Variants in MED24 observed in about 807,000 individuals in gnomAD.
The protein encoded by MED24 is mediator of RNA polymerase II transcription subunit 24.
In MED24, 74 loss-of-function variants were observed where a neutral mutation model predicts 118.8. The ratio of observed to expected loss-of-function variants is 0.62; its 90% CI spans 0.52 to 0.76. The LOEUF is 0.76. MED24 is among the 30% of genes least tolerant of loss of function. MED24 has a pLI of 0.00. For missense variants in MED24, 1,041 were observed against 1,278.9 expected (o/e 0.81, Z 2.84); for synonymous variants, 521 against 523.9 (o/e 0.99, Z 0.08).
At position 40,019,907 on chromosome 17, in the gene MED24, T is replaced by C. The variant is rs1159422530; in HGVS notation, c.2731A>G (p.Ile911Val). ...GGGCCAGCGGTGCGAGACCCCAGGA[T>C]GGAGGAGATGAGCAGGAACAGGTTG... ...LANLFLLISS[I>V]LGSRTAGPHT... Residue 911 changes from isoleucine (I) to valine (V), a missense_variant, in exon 25 of 26, where the codon ATC (isoleucine) becomes GTC (valine). Around this residue, in one of 3 missense-constraint regions of MED24, gnomAD observed 587 missense variants for 694.4 expected, o/e 0.85. Transcript: ENST00000394128. 10 of 1,570,562 alleles carry C rather than the reference T, an allele frequency of 6.4e-6. No individual in the cohort carries two copies. The highest frequency in any genetic ancestry group is 8.6e-6 in the Non-Finnish European group (10 of 1,157,212).
chr17:40,050,181 C>T (rs1313353923), intron 3 of MED24, among the ~76,000 whole-genome samples: 1 of 136,044 alleles, frequency 7.4e-6, no homozygotes, highest in African/African-American at 2.8e-5. Flanking sequence ...GAGAGATACG[C>T]ATTCAGGTCA....
intron 1 of MED24, 150 bp from the exon 2 acceptor site, chr17:40,053,785 AG>A: frequency 9.8e-7 from 1 of 1,016,762 alleles, no homozygotes; most frequent in Non-Finnish European, 1.4e-6. Context: ...GGATAAAGTA[AG>A]ATCCTGTCAG....
intron 3 of MED24, among the ~76,000 whole-genome samples, chr17:40,048,855 AATAATAT>A (rs143726173): frequency 0.012 from 1,877 of 152,218 alleles, 46 homozygotes; most frequent in African/African-American, 0.043. Context: ...ATGCCTGGCC[AATAATAT>A]ATATGTTTTA....
chr17:40,020,111 G>T, intron 24 of MED24, 162 bp downstream of exon 24: 1 of 991,624 alleles, frequency 1.0e-6, no homozygotes, highest in Non-Finnish European at 1.5e-6. Context: ...GGGGGAACTA[G>T]ACAGGAGCCT....
intron 5 of MED24, 121 bp downstream of exon 5, chr17:40,035,601 A>T: frequency 9.6e-7 from 1 of 1,039,860 alleles, no homozygotes; most frequent in South Asian, 1.6e-5. Context: ...GTAGATGGGC[A>T]GGTGGGGAGA....
At chr17:40,029,677 T>C (rs1983140357) in intron 13 of MED24, 71 bp downstream of exon 13, 1 of 1,417,762 alleles carries the variant, frequency 7.1e-7, no homozygotes, top group South Asian at 1.2e-5. Context: ...TCTGTTTATT[T>C]ATCTGCAAGC....
Position 40,027,943 on chromosome 17 carries a change from C to G in MED24, c.1413G>C (p.Leu471Phe), listed in dbSNP as rs1222868813. Residue 471 changes from leucine (L) to phenylalanine (F), a missense_variant, in exon 15 of 26, where the codon TTG (leucine) becomes TTC (phenylalanine). By Grantham distance (22) the Leu-to-Phe change is conservative. Transcript: ENST00000394128. ...LKSFARKFIN[L>F]NEFTTYGSEE... ...CGCTGCCATAGGTTGTGAATTCATT[C>G]AAACTGAAAGGAATGGAGACAGGCT... 1 of 1,613,832 alleles carries G rather than the reference C, an allele frequency of 6.2e-7. No homozygotes were observed.
chr17:40,035,459 G>T, intron 5 of MED24, 110 bp from the exon 6 acceptor site: 1 of 1,217,366 alleles, frequency 8.2e-7, no homozygotes, highest in Non-Finnish European at 1.1e-6. Flanking sequence ...CTAGGGCTGA[G>T]AAGCTAGCAA....
chr17:40,035,944 C>A, intron 4 of MED24, 149 bp from the exon 5 acceptor site: 1 of 1,073,494 alleles, frequency 9.3e-7, no homozygotes. Context: ...CATTGGCTCC[C>A]AAGCACCAGC....
At position 40,031,562 on chromosome 17, in the gene MED24, A is replaced by C; in HGVS notation, c.1043T>G (p.Leu348Trp). The C allele has an allele frequency of 6.2e-7, 1 of 1,614,200 alleles. No homozygotes were observed. Among genetic ancestry groups the C allele is most frequent in the South Asian group, 1.1e-5 (1 of 91,086 alleles). ...FEFLLKLTPL[L>W]DKADQRCNCD... Reference sequence around the variant, plus strand: ...CTTGCAGCGCTGGTCAGCTTTGTCCAACAAGGGGGTGAGCTTCAGCAGGAA... The same window carrying C: ...CTTGCAGCGCTGGTCAGCTTTGTCCCACAAGGGGGTGAGCTTCAGCAGGAA... Residue 348 changes from leucine to tryptophan, a missense_variant, in exon 11 of 26, where the codon TTG (leucine) becomes TGG (tryptophan). Around this residue, in one of 3 missense-constraint regions of MED24, gnomAD observed 434 missense variants for 514.9 expected, o/e 0.84. Coordinates refer to ENST00000394128, the MANE Select transcript of MED24 (RefSeq NM_014815.4).
intron 6 of MED24, chr17:40,034,878 A>C: frequency 2.7e-5 from 9 of 333,530 alleles, no homozygotes; most frequent in East Asian, 1.0e-4. Context: ...CCCAGCACCT[A>C]GCACAGTGCT....
chr17:40,031,103 G>C, intron 12 of MED24, 56 bp downstream of exon 12: 1 of 1,504,222 alleles, frequency 6.6e-7, no homozygotes, highest in East Asian at 2.5e-5. Context: ...CAGCCCCACC[G>C]TAACAAGAGA....
In MED24 at chr17:40,053,328, C is replaced by G; in HGVS notation, c.183G>C (p.Leu61Phe). ...AACTAATGGCATACTTCAGGTAGGA[C>G]AAGATGAGAGGATTGGGGGATGGTC... ...MIGPSPNPLI[L>F]SYLKYAISSQ... is the part of the protein sequence containing the mutation. Residue 61 changes from leucine to phenylalanine, a missense_variant, in exon 3 of 26, where the codon TTG becomes TTC. Physicochemically the swap from Leu to Phe is conservative, Grantham distance 22. This residue lies in a region of MED24 where 434 missense variants were observed against 514.9 expected (regional missense o/e 0.84). Coordinates refer to ENST00000394128, the MANE Select transcript of MED24 (RefSeq NM_014815.4). The G allele has an allele frequency of 6.2e-7, 1 of 1,612,126 alleles. No homozygotes were observed. The highest frequency in any genetic ancestry group is 8.5e-7 in the Non-Finnish European group (1 of 1,178,760).
chr17:40,052,498 G>A (rs1360545415), intron 3 of MED24, among the ~76,000 whole-genome samples: 1 of 152,124 alleles, frequency 6.6e-6, no homozygotes, highest in Non-Finnish European at 1.5e-5. Context: ...ATCGGGTTTT[G>A]TTCACAGCTA....
In MED24 at chr17:40,033,234, T is replaced by C. The variant is rs2069953282; in HGVS notation, c.672-28A>G. The C allele has an allele frequency of 6.2e-7, 1 of 1,612,974 alleles. No individual in the cohort carries two copies. The highest frequency in any genetic ancestry group is 8.5e-7 in the Non-Finnish European group (1 of 1,179,856). On this transcript the variant is annotated intron_variant, in intron 7 of 25. Coordinates refer to ENST00000394128, the MANE Select transcript of MED24 (RefSeq NM_014815.4). The surrounding 1 kb of genome is among the most constrained non-coding windows in gnomAD (Gnocchi z 5.2). ...GAGGGGTCACAAACACAGGGGACGG[T>C]GTTTGGGGGGCCAAAGGTGAAGGCG...
chr17:40,027,838 C>T (rs1205317820), intron 15 of MED24, 71 bp downstream of exon 15: 2 of 1,528,044 alleles, frequency 1.3e-6, no homozygotes, highest in Non-Finnish European at 1.8e-6. Flanking sequence ...GAGCCCTCCT[C>T]CCTCCCACAC....
At chr17:40,052,498 G>C (rs1360545415) in intron 3 of MED24, among the ~76,000 whole-genome samples, 1 of 152,124 alleles carries the variant, frequency 6.6e-6, no homozygotes, top group Non-Finnish European at 1.5e-5. Context: ...ATCGGGTTTT[G>C]TTCACAGCTA....
chr17:40,032,815 C>G, intron 8 of MED24, 53 bp from the exon 9 acceptor site: 1 of 1,505,560 alleles, frequency 6.6e-7, no homozygotes, highest in Non-Finnish European at 9.2e-7. Context: ...CCCCGTCACC[C>G]TTCTGTGGAC....
chr17:40,027,584 C>T lies in MED24; in HGVS notation c.1448-119G>A, dbSNP rs913420723. 4.4e-6 allele frequency: 4 copies of T among 918,560 alleles called. No individual in the cohort carries two copies. The Admixed American group carries it at 1.0e-4, about 24-fold the overall frequency. 56.9% of individuals were successfully genotyped at this position (918,560 alleles called of 1,614,324 possible). A position where few individuals can be genotyped will look rare whatever the true frequency, so the allele number is the denominator to read the frequency against. On this transcript the variant is annotated intron_variant, in intron 15 of 25. Transcript: ENST00000394128. ...CAGGGACCAAGTGGCTCCTTCAAAG[C>T]TCTGAGGCTCAGAATCCTTTTCTTG... is the stretch of plus-strand genomic sequence containing the variant.
Sources: gnomAD v4.1 joint callset for allele counts (sites outside exome capture counted in the v4.1 genomes callset) on GRCh38, gnomAD v4.1.1 for gene constraint, gnomAD v4.1.1 regional missense constraint, Gnocchi (gnomAD v3.1) non-coding constraint, MANE v1.5 for transcripts, NCBI Gene and HGNC (gene_info 2026-07-23, HGNC 2026-07-21) for gene names.